The following PIGL variants were observed in gnomAD, a reference collection of about 807,000 sequenced individuals.
The protein encoded by PIGL is N-acetylglucosaminyl-phosphatidylinositol de-N-acetylase.
In PIGL, 22 loss-of-function variants were observed where a neutral mutation model predicts 31.1. The observed-to-expected ratio is 0.71, with a 90% CI of 0.51 to 1.01. The LOEUF (loss-of-function observed/expected upper bound fraction) is 1.01. Among genes scored for constraint, PIGL ranks in the 50% least tolerant of loss-of-function variants. PIGL has a pLI of 0.00. For missense variants in PIGL, 302 were observed against 315.9 expected (o/e 0.96, Z 0.33); for synonymous variants, 131 against 117.4 (o/e 1.12, Z -0.75).
At chr17:16,308,690 T>C (rs922067917) in intron 3 of PIGL, among the ~76,000 whole-genome samples, 8 of 151,508 alleles carry the variant, frequency 5.3e-5, no homozygotes, top group Admixed American at 5.3e-4. Flanking sequence ...CTCAGTAACA[T>C]AGTGAGACCT....
chr17:16,247,751 T>A (rs1414500589), intron 2 of PIGL, among the ~76,000 whole-genome samples: 1 of 152,232 alleles, frequency 6.6e-6, no homozygotes, highest in Admixed American at 6.5e-5. Flanking sequence ...CAGGCTTCTT[T>A]CGTCCCACCC....
chr17:16,226,820 A>G (rs1405814774), intron 1 of PIGL, among the ~76,000 whole-genome samples: 2 of 152,068 alleles, frequency 1.3e-5, no homozygotes, highest in African/African-American at 4.8e-5. Flanking sequence ...TCTGTGTCCA[A>G]GCTTTATCTG....
chr17:16,286,374 G>GA (rs1221723299), intron 2 of PIGL, among the ~76,000 whole-genome samples: 1 of 152,178 alleles, frequency 6.6e-6, no homozygotes, highest in Non-Finnish European at 1.5e-5. Context: ...CTGGGGAGAG[G>GA]AAAGAAGGGG....
intron 2 of PIGL, among the ~76,000 whole-genome samples, chr17:16,243,521 G>T (rs752466921): frequency 2.0e-5 from 3 of 152,164 alleles, no homozygotes; most frequent in African/African-American, 4.8e-5. Context: ...CACCACGGGA[G>T]AATTTCTTCT....
At chr17:16,300,071 C>A in intron 3 of PIGL, 93 bp downstream of exon 3, 1 of 878,498 alleles carries the variant, frequency 1.1e-6, no homozygotes, top group Non-Finnish European at 1.9e-6. Flanking sequence ...CACCCTCCCA[C>A]TTCCAGTCCT....
intron 2 of PIGL, among the ~76,000 whole-genome samples, chr17:16,239,039 G>A (rs1018744547): frequency 4.0e-5 from 6 of 149,596 alleles, no homozygotes; most frequent in African/African-American, 7.3e-5. Flanking sequence ...CACCTTGCCC[G>A]ACCTGAAAAT....
chr17:16,218,322 T>C (rs1012824127), intron 1 of PIGL: 1 of 152,242 alleles, frequency 6.6e-6, no homozygotes, highest in African/African-American at 2.4e-5. Flanking sequence ...TACTCGACAT[T>C]ACTTTTTCAT....
chr17:16,254,540 T>A (rs1293380793), intron 2 of PIGL, among the ~76,000 whole-genome samples: 2 of 152,160 alleles, frequency 1.3e-5, no homozygotes, highest in Non-Finnish European at 1.5e-5. Context: ...AGTACTGGGA[T>A]TACAGGCGTG....
chr17:16,277,537 C>T (rs552524988), intron 2 of PIGL, among the ~76,000 whole-genome samples: 2 of 120,358 alleles, frequency 1.7e-5, no homozygotes, highest in East Asian at 3.9e-4. Flanking sequence ...TTGCTTCAGT[C>T]TTCTGTTAGG....
At chr17:16,295,126 G>T (rs1218081472) in intron 2 of PIGL, among the ~76,000 whole-genome samples, 1 of 152,156 alleles carries the variant, frequency 6.6e-6, no homozygotes, top group Non-Finnish European at 1.5e-5. Flanking sequence ...GGAGAGTCAA[G>T]AATTAAATAT....
chr17:16,325,685 A>G (rs2093124526), intron 6 of PIGL, 115 bp from the exon 7 acceptor site: 1 of 779,168 alleles, frequency 1.3e-6, no homozygotes, highest in Non-Finnish European at 2.2e-6. Flanking sequence ...AGATAAGGCT[A>G]TAGCATGAAG....
intron 4 of PIGL, among the ~76,000 whole-genome samples, chr17:16,314,671 G>A (rs747886674): frequency 6.6e-6 from 1 of 152,140 alleles, no homozygotes; most frequent in Non-Finnish European, 1.5e-5. Context: ...AAGACTATTC[G>A]GTTCCTGGTC....
At chr17:16,257,038 C>T (rs1360889122) in intron 2 of PIGL, among the ~76,000 whole-genome samples, 7 of 152,114 alleles carry the variant, frequency 4.6e-5, no homozygotes, top group Non-Finnish European at 8.8e-5. Context: ...GAAGTCGAGG[C>T]CGCAATGAGC....
Position 16,217,243 on chromosome 17 carries a change from T to C in PIGL, c.17T>C (p.Leu6Pro), listed in dbSNP as rs371054034. 1.4e-5 allele frequency: 22 copies of C among 1,613,990 alleles called. No homozygotes were observed. Among genetic ancestry groups the C allele is most frequent in the Non-Finnish European group, 1.9e-5 (22 of 1,180,002 alleles). Residue 6 changes from leucine (L) to proline (P), a missense_variant, in exon 1 of 7, where the codon CTC becomes CCC. Physicochemically the swap from Leu to Pro is moderately conservative, Grantham distance 98. Transcript: ENST00000225609. MEAMW[L>P]LCVALAVLAW... is the part of the protein sequence containing the mutation. ...TTACCCATCATGGAAGCAATGTGGCTCCTGTGTGTGGCGTTGGCGGTCTTG... is the reference window on the plus strand; with the variant it reads ...TTACCCATCATGGAAGCAATGTGGCCCCTGTGTGTGGCGTTGGCGGTCTTG...
chr17:16,250,309 A>G (rs1354380549), intron 2 of PIGL, among the ~76,000 whole-genome samples: 1 of 152,174 alleles, frequency 6.6e-6, no homozygotes, highest in Non-Finnish European at 1.5e-5. Flanking sequence ...ACTTCATCAT[A>G]GTTAACATGT....
In PIGL at chr17:16,217,247, G is replaced by A. The variant is rs746399083; in HGVS notation, c.21G>A (p.Leu7=). Residue 7 remains leucine, a synonymous_variant, in exon 1 of 7, where the codon CTG becomes CTA. Coordinates refer to ENST00000225609, the MANE Select transcript of PIGL (RefSeq NM_004278.4). ...CCATCATGGAAGCAATGTGGCTCCT[G>A]TGTGTGGCGTTGGCGGTCTTGGCAT... The part of the protein sequence containing the change: MEAMWL[L]CVALAVLAWG... 1.2e-5 allele frequency: 19 copies of A among 1,614,062 alleles called. No individual in the cohort carries two copies. The Admixed American group carries it at 2.7e-4, about 23-fold the overall frequency.
chr17:16,279,414 G>C (rs1314428322), intron 2 of PIGL, among the ~76,000 whole-genome samples: 3 of 152,200 alleles, frequency 2.0e-5, no homozygotes, highest in Non-Finnish European at 4.4e-5. Flanking sequence ...AAAGGACTGT[G>C]ACTTCTAAAT....
At chr17:16,236,734 A>G (rs181783195) in intron 2 of PIGL, among the ~76,000 whole-genome samples, 1 of 151,702 alleles carries the variant, frequency 6.6e-6, no homozygotes, top group African/African-American at 2.4e-5. Context: ...TGCCCAGCTA[A>G]TTTTTATATT....
At chr17:16,319,938 G>C (rs937083005) in intron 6 of PIGL, among the ~76,000 whole-genome samples, 6 of 151,752 alleles carry the variant, frequency 4.0e-5, no homozygotes, top group Non-Finnish European at 7.4e-5. Flanking sequence ...TTTGTCTCCA[G>C]GTGCATCCCC....
Sources: allele counts gnomAD v4.1 joint callset (sites outside exome capture counted in the v4.1 genomes callset), GRCh38; gene constraint gnomAD v4.1.1; transcripts MANE v1.5; gene names NCBI Gene and HGNC (gene_info 2026-07-23, HGNC 2026-07-21).